PRTG: variants seen among roughly 807,000 people sequenced by gnomAD.
PRTG encodes immunoglobulin superfamily, DCC subclass, member 5.
Under a neutral mutation model 122.5 loss-of-function variants are expected in PRTG, and 67 were observed. That is an observed-to-expected ratio of 0.55 (90% CI 0.45 to 0.67). The LOEUF is 0.67. Ranked by LOEUF, PRTG falls within the 30% of genes least tolerant of loss-of-function variation. The pLI, the probability that PRTG is intolerant of heterozygous loss-of-function variation, is 0.00. For missense variants in PRTG, 1,435 were observed against 1,415.4 expected, an observed-to-expected ratio of 1.01 and a Z score of -0.22; for synonymous variants, 554 against 501.1, an observed-to-expected ratio of 1.11 and a Z score of -1.41.
At chr15:55,703,629 C>T (rs1173720379) in intron 2 of PRTG, among the ~76,000 whole-genome samples, 4 of 152,134 alleles carry the variant, frequency 2.6e-5, no homozygotes, top group Non-Finnish European at 5.9e-5. Flanking sequence ...AGTAAGTTTT[C>T]GATAATCATT....
At chr15:55,702,959 T>C (rs888437401) in intron 2 of PRTG, 1 of 979,524 alleles carries the variant, frequency 1.0e-6, no homozygotes, top group Admixed American at 6.2e-5. Flanking sequence ...CCCCTGACAT[T>C]CTAAACCTAT....
chr15:55,647,146 G>C (rs1399968473), intron 11 of PRTG, among the ~76,000 whole-genome samples: 3 of 152,148 alleles, frequency 2.0e-5, no homozygotes, highest in South Asian at 2.1e-4. Context: ...CGGGCGTGGT[G>C]GTGGGCGCCT....
chr15:55,707,529 C>T (rs1019376506), intron 2 of PRTG, among the ~76,000 whole-genome samples: 1 of 152,114 alleles, frequency 6.6e-6, no homozygotes, highest in African/African-American at 2.4e-5. Flanking sequence ...GAAATTTTTA[C>T]CAAATTATAT....
intron 2 of PRTG, among the ~76,000 whole-genome samples, chr15:55,734,616 T>C (rs979903662): frequency 6.6e-6 from 1 of 151,508 alleles, no homozygotes; most frequent in African/African-American, 2.4e-5. Flanking sequence ...ATATATGTAT[T>C]ATAAACACGA....
Position 55,740,570 on chromosome 15 carries a change from A to ACCTT in PRTG, c.205_208dup (p.Val70GlufsTer13). On this transcript the variant is annotated frameshift_variant, in exon 2 of 20. Transcript: ENST00000389286. LOFTEE classifies it high-confidence loss of function. ...TTTTGCTCCATTTTTCAACCATGTG[A>ACCTT]CCTTAATAGGAACTTCTCCGTGAGC... The ACCTT allele has an allele frequency of 6.2e-7, 1 of 1,614,162 alleles. No homozygotes were observed. Among genetic ancestry groups the ACCTT allele is most frequent in the Non-Finnish European group, 8.5e-7 (1 of 1,180,024 alleles).
intron 5 of PRTG, 78 bp downstream of exon 5, chr15:55,680,413 A>G (rs1447856596): frequency 8.4e-6 from 12 of 1,426,794 alleles, no homozygotes; most frequent in African/African-American, 2.9e-5. Flanking sequence ...TGTATATAAA[A>G]TAAACATTTT....
At chr15:55,714,906 T>C (rs191087611) in intron 2 of PRTG, among the ~76,000 whole-genome samples, 1 of 152,338 alleles carries the variant, frequency 6.6e-6, no homozygotes, top group African/African-American at 2.4e-5. Context: ...AGAGAGTTCT[T>C]TAACATCTTA....
At chr15:55,670,773 T>C (rs2059464982) in intron 11 of PRTG, among the ~76,000 whole-genome samples, 1 of 152,044 alleles carries the variant, frequency 6.6e-6, no homozygotes, top group African/African-American at 2.4e-5. Context: ...TGGTGGTGCA[T>C]GCCTGTAATC....
chr15:55,660,673 G>A (rs2059404958), intron 11 of PRTG, among the ~76,000 whole-genome samples: 1 of 152,102 alleles, frequency 6.6e-6, no homozygotes, highest in African/African-American at 2.4e-5. Flanking sequence ...TCAACAGCCT[G>A]TCTCTACCTA....
Position 55,627,881 on chromosome 15 carries a change from C to T in PRTG, c.2807-753G>A, listed in dbSNP as rs75698294. ...GTCACTAGGGATTATGTGGAAATGC[C>T]GACTCTGACTCACTAAGTCTGGGGT... On this transcript the variant is annotated intron_variant, in intron 16 of 19. Coordinates refer to ENST00000389286, the MANE Select transcript of PRTG (RefSeq NM_173814.6). Among the ~76,000 whole-genome samples, 735 of 152,114 alleles carry T rather than the reference C, an allele frequency of 4.8e-3. 10 individuals are homozygous for T. The highest frequency in any genetic ancestry group is 0.017 in the African/African-American group (713 of 41,476).
chr15:55,677,639 A>G (rs1338180318), intron 8 of PRTG, among the ~76,000 whole-genome samples, 158 bp downstream of exon 8: 3 of 152,250 alleles, frequency 2.0e-5, no homozygotes, highest in Admixed American at 6.5e-5. Flanking sequence ...AAATTTAGAA[A>G]ACAATAGATA....
At position 55,619,853 on chromosome 15, in the gene PRTG, A is replaced by G; in HGVS notation, c.*159T>C. 2.5e-6 allele frequency: 3 copies of G among 1,215,760 alleles called. No individual in the cohort carries two copies. Among genetic ancestry groups the G allele is most frequent in the Non-Finnish European group, 3.4e-6 (3 of 884,128 alleles). 75.3% of individuals were successfully genotyped at this position (1,215,760 alleles called of 1,614,324 possible). ...GATTTAATGGTGAGAATACCTGAGC[A>G]TGGCCGTCTAGATTGGAAAATCATT... On this transcript the variant is annotated 3_prime_UTR_variant, in exon 20 of 20. Transcript: ENST00000389286.
chr15:55,643,946 C>T (rs1377214221), intron 11 of PRTG, among the ~76,000 whole-genome samples: 1 of 151,960 alleles, frequency 6.6e-6, no homozygotes, highest in Non-Finnish European at 1.5e-5. Context: ...TCATTGCAGC[C>T]TTCACTTACC....
chr15:55,629,396 TGTGTGTGTGTGTGTG>T (rs2059214778), intron 15 of PRTG, among the ~76,000 whole-genome samples: 2 of 110,682 alleles, frequency 1.8e-5, no homozygotes, highest in African/African-American at 9.3e-5. Flanking sequence ...TGTGTGTGTG[TGTGTGTGTGTGTGTG>T]TGTGTGTGTG....
At position 55,708,913 on chromosome 15, in the gene PRTG, G is replaced by C. The variant is rs985979561; in HGVS notation, c.398-24982C>G. Among the ~76,000 whole-genome samples the C allele has an allele frequency of 5.6e-4, 85 of 152,076 alleles. 1 individual carries two copies. Among genetic ancestry groups the C allele is most frequent in the African/African-American group, 2.0e-3 (81 of 41,514 alleles). ...TAATCCCAGCACTTTGGGAGTCCGA[G>C]GCAGGCAGATTAGGTGAGGTCAGGA... is the stretch of plus-strand genomic sequence containing the variant. On this transcript the variant is annotated intron_variant, in intron 2 of 19. Coordinates refer to ENST00000389286, the MANE Select transcript of PRTG (RefSeq NM_173814.6).
At chr15:55,702,336 T>C (rs1208220284) in intron 2 of PRTG, among the ~76,000 whole-genome samples, 16 of 152,218 alleles carry the variant, frequency 1.1e-4, no homozygotes, top group Admixed American at 1.0e-3. Flanking sequence ...CTTCACTGTT[T>C]GTTTCATCAG....
intron 11 of PRTG, among the ~76,000 whole-genome samples, chr15:55,666,910 T>C (rs2059442240): frequency 6.6e-6 from 1 of 152,224 alleles, no homozygotes; most frequent in South Asian, 2.1e-4. Flanking sequence ...ATTTCATTTG[T>C]TAATAAGTTG....
intron 7 of PRTG, among the ~76,000 whole-genome samples, chr15:55,678,377 G>A (rs1436724420): frequency 6.6e-6 from 1 of 152,088 alleles, no homozygotes; most frequent in East Asian, 1.9e-4. Context: ...ATCCTCCTGA[G>A]TAGCCGGGAC....
chr15:55,700,557 G>C (rs2141840006), intron 2 of PRTG, among the ~76,000 whole-genome samples: 1 of 152,276 alleles, frequency 6.6e-6, no homozygotes, highest in Middle Eastern at 3.4e-3. Context: ...AGAGGTGGGA[G>C]GATCACTTGA....
Sources: gnomAD v4.1 joint callset for allele counts (sites outside exome capture counted in the v4.1 genomes callset) on GRCh38, gnomAD v4.1.1 for gene constraint, MANE v1.5 for transcripts, NCBI Gene and HGNC (gene_info 2026-07-23, HGNC 2026-07-21) for gene names.